The following AGBL3 variants were observed in gnomAD, a reference collection of about 807,000 sequenced individuals.
AGBL3 encodes the protein cytosolic carboxypeptidase 3.
AGBL3 carries 68 observed loss-of-function variants against 94.5 expected under a neutral mutation model. The ratio of observed to expected loss-of-function variants is 0.72; its 90% confidence interval spans 0.59 to 0.88. The LOEUF is 0.88. Among genes scored for constraint, AGBL3 ranks in the 40% least tolerant of loss-of-function variants. AGBL3 has a pLI of 0.00. For synonymous variants in AGBL3, 354 were observed against 370.7 expected (o/e 0.95, Z 0.52); for missense variants, 934 against 1,103.8 (o/e 0.85, Z 2.18).
chr7:135,009,468 A>G (rs1055373181), intron 4 of AGBL3, among the ~76,000 whole-genome samples: 8 of 145,586 alleles, frequency 5.5e-5, no homozygotes, highest in African/African-American at 1.8e-4. Flanking sequence ...ATCTCACTCA[A>G]GGTTAGTGTG....
rs1391134185 is a variant in AGBL3 at position 135,059,020 on chromosome 7, G to GT, written c.1842-148dup. ...GATCCACCTGCCCTGGCCTCCCAAA[G>GT]TACTCGGATTACAGGCATGAGTCAC... On this transcript the variant is annotated intron_variant, in intron 11 of 16. Coordinates refer to ENST00000436302, the MANE Select transcript of AGBL3 (RefSeq NM_178563.4). 6 of 601,792 alleles carry GT rather than the reference G, an allele frequency of 1.0e-5. No individual in the cohort carries two copies. In the East Asian group the frequency reaches 1.9e-4, roughly 19 times the overall value. 37.3% of individuals were successfully genotyped at this position (601,792 alleles called of 1,614,324 possible). A position where few individuals can be genotyped will look rare whatever the true frequency, so the allele number is the denominator to read the frequency against.
intron 16 of AGBL3, among the ~76,000 whole-genome samples, chr7:135,121,970 AG>A (rs566792247): frequency 6.6e-6 from 1 of 152,224 alleles, no homozygotes; most frequent in South Asian, 2.1e-4. Context: ...AGAGCCGTGA[AG>A]TTTCTCAATA....
chr7:135,067,588 C>T (rs13244938), intron 12 of AGBL3, among the ~76,000 whole-genome samples: 67,246 of 152,098 alleles, frequency 0.44, 15,523 homozygotes, highest in East Asian at 0.78. Flanking sequence ...CACCAATATC[C>T]GCTGTTCTGC....
chr7:135,075,360 C>G (rs1213750798), intron 12 of AGBL3, among the ~76,000 whole-genome samples: 2 of 152,144 alleles, frequency 1.3e-5, no homozygotes, highest in African/African-American at 4.8e-5. Context: ...TATCAGTTGG[C>G]ATACTTCTTG....
chr7:135,094,461 A>T (rs1375762605), intron 15 of AGBL3: 1 of 456,560 alleles, frequency 2.2e-6, no homozygotes, highest in African/African-American at 2.0e-5. Context: ...CTGAGTGCGC[A>T]CTAGCTTGAA....
chr7:135,011,344 A>T (rs958669016), intron 4 of AGBL3: 1 of 152,198 alleles, frequency 6.6e-6, no homozygotes, highest in African/African-American at 2.4e-5. Context: ...AAATATCTTC[A>T]TAATATTAAA....
rs1319620533 is a variant in AGBL3 at position 135,135,376 on chromosome 7, T to G, written c.*115T>G. 6.9e-6 allele frequency: 6 copies of G among 863,848 alleles called. No individual in the cohort carries two copies. Among genetic ancestry groups the G allele is most frequent in the Admixed American group, 7.3e-5 (2 of 27,522 alleles). The allele number at this position is 863,848 out of a possible 1,614,324, so 53.5% of individuals were successfully genotyped here. ...CTTTCCCTATCTCTCCCCTTACACA[T>G]GCATATGCATAAACTAAAAATTTTA... is the stretch of plus-strand genomic sequence containing the variant. On this transcript the variant is annotated 3_prime_UTR_variant, in exon 17 of 17. Transcript: ENST00000436302.
chr7:134,988,741 G>A (rs1273199534), intron 2 of AGBL3, among the ~76,000 whole-genome samples: 1 of 151,774 alleles, frequency 6.6e-6, no homozygotes, highest in Non-Finnish European at 1.5e-5. Flanking sequence ...GGGTTCAAAC[G>A]ATTCTGCCTC....
intron 5 of AGBL3, among the ~76,000 whole-genome samples, chr7:135,023,225 G>A (rs1014254812): frequency 1.3e-5 from 2 of 152,050 alleles, no homozygotes; most frequent in Non-Finnish European, 2.9e-5. Context: ...AGACAGTCAG[G>A]AAGCACCACT....
rs1000968350 is a variant in AGBL3 at position 134,987,990 on chromosome 7, T to A, written c.57T>A (p.Asp19Glu). The change falls in exon 2 of 17, where the codon GAT (aspartate) becomes GAA (glutamate). Residue 19 changes from aspartate (D) to glutamate (E), a missense_variant. Asp to Glu is a conservative substitution (Grantham distance 45). Transcript: ENST00000436302. Reference sequence around the variant, plus strand: ...CAGACAGAACAATCAGTGATGAAGATGAATCGGTATGTTTTTCTCAACTTT... The same window carrying A: ...CAGACAGAACAATCAGTGATGAAGAAGAATCGGTATGTTTTTCTCAACTTT... ...DYSDRTISDE[D>E]ESDEDMFMKF... 1 of 1,541,358 alleles carries A rather than the reference T, an allele frequency of 6.5e-7. No homozygotes were observed. Among genetic ancestry groups the A allele is most frequent in the East Asian group, 2.5e-5 (1 of 40,374 alleles).
At chr7:135,110,534 G>C (rs1825477840) in intron 15 of AGBL3, among the ~76,000 whole-genome samples, 1 of 152,152 alleles carries the variant, frequency 6.6e-6, no homozygotes, top group Non-Finnish European at 1.5e-5. Flanking sequence ...AGATCTGTGG[G>C]AGAAGCGTGG....
At chr7:135,114,169 A>G (rs1024924769) in intron 15 of AGBL3, among the ~76,000 whole-genome samples, 3 of 152,218 alleles carry the variant, frequency 2.0e-5, no homozygotes, top group Non-Finnish European at 2.9e-5. Flanking sequence ...GAATGTATCT[A>G]TGTCTCTTTG....
intron 4 of AGBL3, among the ~76,000 whole-genome samples, chr7:135,008,735 T>A (rs1812727205): frequency 6.6e-6 from 1 of 152,212 alleles, no homozygotes; most frequent in African/African-American, 2.4e-5. Context: ...ATTTGAAAAT[T>A]ATTTATCTGA....
At position 135,017,141 on chromosome 7, in the gene AGBL3, G is replaced by A; in HGVS notation, c.400G>A (p.Val134Ile). ...TCCAGACTCCAAGGAAGCTACTGTG[G>A]TTTATCTAGCTGAAGATGGTGAGCA... ...LYPDSKEATVVYLAEDAYKEP... is the reference protein window; with the variant it reads ...LYPDSKEATVIYLAEDAYKEP... Residue 134 changes from valine (V) to isoleucine (I), a missense_variant, in exon 5 of 17, where the codon GTT becomes ATT. This residue lies in a region of AGBL3 where 488 missense variants were observed against 563.6 expected (regional missense o/e 0.87). Coordinates refer to ENST00000436302, the MANE Select transcript of AGBL3 (RefSeq NM_178563.4). 1 of 1,546,786 alleles carries A rather than the reference G, an allele frequency of 6.5e-7. No individual in the cohort carries two copies. The highest frequency in any genetic ancestry group is 1.2e-5 in the South Asian group (1 of 83,934).
At position 135,045,779 on chromosome 7, in the gene AGBL3, C is replaced by A; in HGVS notation, c.1729-20C>A. The A allele has an allele frequency of 6.8e-7, 1 of 1,480,128 alleles. No individual in the cohort carries two copies. The highest frequency in any genetic ancestry group is 1.2e-5 in the South Asian group (1 of 80,654). The allele number at this position is 1,480,128 out of a possible 1,614,324, so 91.7% of individuals were successfully genotyped here. Reference sequence around the variant, plus strand: ...AAATAAAGTTATTTCATAATGAGCTCATTTATTACTTTTGCCTAGTATTAT... The same window carrying A: ...AAATAAAGTTATTTCATAATGAGCTAATTTATTACTTTTGCCTAGTATTAT... On this transcript the variant is annotated intron_variant, in intron 10 of 16. Coordinates refer to ENST00000436302, the MANE Select transcript of AGBL3 (RefSeq NM_178563.4).
At chr7:135,075,363 A>G (rs1820351801) in intron 12 of AGBL3, among the ~76,000 whole-genome samples, 1 of 152,148 alleles carries the variant, frequency 6.6e-6, no homozygotes, top group South Asian at 2.1e-4. Flanking sequence ...CAGTTGGCAT[A>G]CTTCTTGGAA....
chr7:135,050,966 A>G (rs1817820441), intron 11 of AGBL3: 1 of 403,596 alleles, frequency 2.5e-6, no homozygotes, highest in South Asian at 1.8e-5. Context: ...TTAGTCTTAC[A>G]GTTTTTTTCT....
At chr7:135,079,158 C>G (rs1283429535) in intron 13 of AGBL3, among the ~76,000 whole-genome samples, 1 of 152,122 alleles carries the variant, frequency 6.6e-6, no homozygotes, top group African/African-American at 2.4e-5. Flanking sequence ...TTCACAGAAT[C>G]ATTTCACTTA....
chr7:135,105,242 G>A (rs1040359091), intron 15 of AGBL3, among the ~76,000 whole-genome samples: 2 of 151,856 alleles, frequency 1.3e-5, no homozygotes, highest in Admixed American at 6.6e-5. Flanking sequence ...GCTAATTTTT[G>A]CATTTTTAGT....
Sources: allele counts gnomAD v4.1 joint callset (sites outside exome capture counted in the v4.1 genomes callset), GRCh38; gene constraint gnomAD v4.1.1; regional missense constraint gnomAD v4.1.1; transcripts MANE v1.5; gene names NCBI Gene and HGNC (gene_info 2026-07-23, HGNC 2026-07-21).